Variants in GSE1 observed in about 807,000 individuals in gnomAD.
The protein encoded by GSE1 is Gse1 coiled-coil protein.
A neutral mutation model predicts 112.6 loss-of-function variants in GSE1; 32 were observed. The observed-to-expected ratio is 0.28, with a 90% CI of 0.21 to 0.38. The LOEUF is 0.38. Among genes scored for constraint, GSE1 ranks in the 10% least tolerant of loss-of-function variants. The probability of loss-of-function intolerance (pLI) is 1.00; values close to 1 mark genes in which losing one functional copy is unlikely to be tolerated. For synonymous variants in GSE1, 1,115 were observed against 735.6 expected (o/e 1.52, Z -8.35); for missense variants, 2,348 against 1,699.2 (o/e 1.38, Z -6.71).
At chr16:85,175,046 C>T (rs991732783) in intron 1 of GSE1, among the ~76,000 whole-genome samples, 1 of 101,206 alleles carries the variant, frequency 9.9e-6, no homozygotes, top group African/African-American at 3.5e-5. Context: ...TCCTGTGACT[C>T]CTCAGTTGTT....
At chr16:85,644,099 G>A (rs372423496) in intron 2 of GSE1, among the ~76,000 whole-genome samples, 2 of 152,212 alleles carry the variant, frequency 1.3e-5, no homozygotes, top group South Asian at 2.1e-4. Flanking sequence ...CAACTGAGGC[G>A]GGAGGATCGC....
chr16:85,358,197 G>C (rs1429183423), intron 2 of GSE1, among the ~76,000 whole-genome samples: 1 of 152,184 alleles, frequency 6.6e-6, no homozygotes, highest in African/African-American at 2.4e-5. Flanking sequence ...CTTCTGCATG[G>C]TGCTTCCCTG....
At chr16:85,421,681 C>T (rs1025733946) in intron 2 of GSE1, among the ~76,000 whole-genome samples, 1 of 152,066 alleles carries the variant, frequency 6.6e-6, no homozygotes, top group Non-Finnish European at 1.5e-5. Flanking sequence ...TTCCAGGTAC[C>T]ATTTGTTCCT....
intron 1 of GSE1, among the ~76,000 whole-genome samples, chr16:85,275,393 A>T (rs1329832232): frequency 6.6e-6 from 1 of 152,178 alleles, no homozygotes; most frequent in Admixed American, 6.5e-5. Flanking sequence ...GGAGAGCATG[A>T]GCCAGGGGTG....
intron 2 of GSE1, among the ~76,000 whole-genome samples, chr16:85,445,080 CT>C (rs2049475907): frequency 1.3e-5 from 2 of 152,250 alleles, no homozygotes; most frequent in South Asian, 4.1e-4. Flanking sequence ...TGCCCTTGAT[CT>C]TCCCTGGCTT....
intron 2 of GSE1, among the ~76,000 whole-genome samples, chr16:85,421,266 G>C (rs540730967): frequency 2.0e-5 from 3 of 152,068 alleles, no homozygotes; most frequent in Non-Finnish European, 4.4e-5. Context: ...TCCCTGGGGG[G>C]GTCTCTCGGG....
intron 1 of GSE1, among the ~76,000 whole-genome samples, chr16:85,574,062 G>A (rs1056663671): frequency 1.3e-5 from 2 of 152,150 alleles, no homozygotes; most frequent in Non-Finnish European, 2.9e-5. Flanking sequence ...CACACATGGC[G>A]GGCGGGGGCG....
chr16:85,458,463 G>A (rs2049891668), intron 2 of GSE1, among the ~76,000 whole-genome samples: 1 of 152,242 alleles, frequency 6.6e-6, no homozygotes, highest in Non-Finnish European at 1.5e-5. Context: ...TAGCAGGAGG[G>A]CATTGGAAGG....
chr16:85,450,085 A>G (rs2151800043), intron 2 of GSE1, among the ~76,000 whole-genome samples: 1 of 128,178 alleles, frequency 7.8e-6, no homozygotes, highest in Middle Eastern at 4.8e-3. Context: ...CATGGTGGGT[A>G]CTTTGTGGCC....
chr16:85,565,394 C>CAAAAAA (rs36033236), intron 1 of GSE1, among the ~76,000 whole-genome samples: 76 of 119,410 alleles, frequency 6.4e-4, no homozygotes, highest in African/African-American at 2.5e-3. Flanking sequence ...GACTCTGTCT[C>CAAAAAA]AAAAAAAAAA....
intron 2 of GSE1, among the ~76,000 whole-genome samples, chr16:85,360,160 G>A (rs1212906681): frequency 2.0e-5 from 3 of 152,164 alleles, no homozygotes; most frequent in African/African-American, 7.2e-5. Flanking sequence ...CTGAGTCCCT[G>A]GTCCCGGTGG....
chr16:85,180,367 C>T (rs181457857), intron 1 of GSE1, among the ~76,000 whole-genome samples: 158 of 152,332 alleles, frequency 1.0e-3, no homozygotes, highest in African/African-American at 3.7e-3. Flanking sequence ...CAAAGGTCAC[C>T]CACCGAGGCC....
rs1404905779 is a variant in GSE1 at position 85,409,177 on chromosome 16, C to T, written c.2464+51534C>T. On this transcript the variant is annotated intron_variant, in intron 2 of 2. Transcript: ENST00000637419. ...GATAATCCTCACCGTTACTCTCAGGCGCCCCGGATAATCCTCACCGTTACA... is the reference window on the plus strand; with the variant it reads ...GATAATCCTCACCGTTACTCTCAGGTGCCCCGGATAATCCTCACCGTTACA... 1.4e-4 allele frequency among the ~76,000 whole-genome samples: 4 copies of T among 28,032 alleles called. 1 individual carries two copies. Among genetic ancestry groups the T allele is most frequent in the Admixed American group, 1.1e-3 (4 of 3,634 alleles). 18.4% of individuals were successfully genotyped at this position (28,032 alleles called of 152,430 possible).
At chr16:85,339,195 C>G (rs1212731766) in intron 1 of GSE1, among the ~76,000 whole-genome samples, 1 of 152,184 alleles carries the variant, frequency 6.6e-6, no homozygotes, top group Non-Finnish European at 1.5e-5. Flanking sequence ...GTTCTCATGG[C>G]TATTTTACGT....
chr16:85,646,846 G>A (rs1240802788), intron 2 of GSE1, among the ~76,000 whole-genome samples: 4 of 151,760 alleles, frequency 2.6e-5, no homozygotes, highest in Admixed American at 6.6e-5. Context: ...CCCAGCCTCT[G>A]GGGAGCTGCT....
At chr16:85,434,688 CG>C (rs2049202680) in intron 2 of GSE1, among the ~76,000 whole-genome samples, 1 of 152,178 alleles carries the variant, frequency 6.6e-6, no homozygotes, top group Non-Finnish European at 1.5e-5. Flanking sequence ...CATGGTGGCA[CG>C]CATCTGTAAT....
In GSE1 at chr16:85,656,330, C is replaced by A. The variant is rs180832589; in HGVS notation, c.990-13C>A. The A allele has an allele frequency of 3.7e-6, 6 of 1,610,300 alleles. No homozygotes were observed. The South Asian group carries it at 5.5e-5, about 15-fold the overall frequency. On this transcript the variant is annotated splice_polypyrimidine_tract_variant and intron_variant, in intron 6 of 15. Transcript: ENST00000253458. Reference sequence around the variant, plus strand: ...GGTGCAGCAGAGCCCCCAACTCTTTCCATGTGCTGCAGGCTGCAGATGGAC... The same window carrying A: ...GGTGCAGCAGAGCCCCCAACTCTTTACATGTGCTGCAGGCTGCAGATGGAC...
chr16:85,473,223 A>C (rs1426944810), intron 2 of GSE1, among the ~76,000 whole-genome samples: 1 of 152,250 alleles, frequency 6.6e-6, no homozygotes, highest in Non-Finnish European at 1.5e-5. Context: ...AGTAAAAGGT[A>C]CAGGTCCCTG....
At chr16:85,194,671 C>G (rs1175336218) in intron 1 of GSE1, among the ~76,000 whole-genome samples, 2 of 152,150 alleles carry the variant, frequency 1.3e-5, no homozygotes, top group Non-Finnish European at 2.9e-5. Context: ...GACAGTTAAC[C>G]AGGAGCTTTG....
Sources: allele counts gnomAD v4.1 joint callset (sites outside exome capture counted in the v4.1 genomes callset), GRCh38; gene constraint gnomAD v4.1.1; transcripts MANE v1.5; gene names NCBI Gene and HGNC (gene_info 2026-07-23, HGNC 2026-07-21).